Variants in SLC17A1 observed in about 807,000 individuals in gnomAD.
SLC17A1 encodes sodium-dependent phosphate transport protein 1.
SLC17A1 carries 51 observed loss-of-function variants against 53.5 expected under a neutral mutation model. The ratio of observed to expected loss-of-function variants is 0.95; its 90% confidence interval spans 0.76 to 1.20. The LOEUF (loss-of-function observed/expected upper bound fraction) is 1.20, where lower values mean the gene tolerates loss of function less well. Among genes scored for constraint, SLC17A1 ranks in the 50% most tolerant of loss-of-function variants. The pLI, the probability that SLC17A1 is intolerant of heterozygous loss-of-function variation, is 0.00. For missense variants in SLC17A1, 538 were observed against 568.2 expected, an observed-to-expected ratio of 0.95 and a Z score of 0.54; for synonymous variants, 179 against 198.8, an observed-to-expected ratio of 0.90 and a Z score of 0.84.
At chr6:25,732,766 C>T in the SLC17A1 span, 1 of 991,600 alleles carries the variant, frequency 1.0e-6, no homozygotes, top group Admixed American at 1.9e-5. Flanking sequence ...TGCCCAACAT[C>T]CAAGCTGTGC....
the SLC17A1 span, among the ~76,000 whole-genome samples, chr6:25,765,955 G>T: frequency 6.6e-6 from 1 of 151,862 alleles, no homozygotes; most frequent in African/African-American, 2.4e-5. Flanking sequence ...ATCAGGCAGA[G>T]AGATTAAATA....
At chr6:25,776,289 C>A in the SLC17A1 span, among the ~76,000 whole-genome samples, 1 of 151,624 alleles carries the variant, frequency 6.6e-6, no homozygotes, top group African/African-American at 2.4e-5. Context: ...TTTTTTTCTT[C>A]TTTTCTTTTT....
chr6:25,816,374 A>G (rs1198892195), intron 6 of SLC17A1, among the ~76,000 whole-genome samples: 2 of 152,270 alleles, frequency 1.3e-5, no homozygotes, highest in Non-Finnish European at 2.9e-5. Flanking sequence ...GATGTTGGGA[A>G]GAGCCCTGCT....
chr6:25,782,577 A>G (rs1478266101), downstream of SLC17A1, among the ~76,000 whole-genome samples: 1 of 152,168 alleles, frequency 6.6e-6, no homozygotes, highest in Non-Finnish European at 1.5e-5. Flanking sequence ...CTGAGCATCG[A>G]GTCATCTAAA....
At chr6:25,732,746 G>A in the SLC17A1 span, 2 of 1,151,002 alleles carry the variant, frequency 1.7e-6, no homozygotes. Context: ...AATGGCTTAG[G>A]GTGACGTTTT....
At chr6:25,782,648 C>T (rs910274286), downstream of SLC17A1, among the ~76,000 whole-genome samples, 9 of 152,160 alleles carry the variant, frequency 5.9e-5, no homozygotes, top group African/African-American at 1.2e-4. Context: ...TGCTCCGTAT[C>T]ATTTCTCCAA....
At chr6:25,805,987 A>G (rs1763939961) in intron 10 of SLC17A1, among the ~76,000 whole-genome samples, 1 of 152,166 alleles carries the variant, frequency 6.6e-6, no homozygotes, top group East Asian at 1.9e-4. Flanking sequence ...AAACTATTCC[A>G]AAAGATTGAG....
chr6:25,736,076 A>G, the SLC17A1 span, among the ~76,000 whole-genome samples: 3 of 150,308 alleles, frequency 2.0e-5, no homozygotes, highest in Non-Finnish European at 4.4e-5. Context: ...AGGTGACATC[A>G]GAAATAAAAA....
the SLC17A1 span, chr6:25,769,308 GGAATGGCA>G: frequency 1.0e-6 from 1 of 965,400 alleles, no homozygotes; most frequent in Non-Finnish European, 1.5e-6. Flanking sequence ...CTATGTGCCA[GGAATGGCA>G]CAAGTACCTA....
chr6:25,726,938 C>A, the SLC17A1 span: 1 of 1,613,726 alleles, frequency 6.2e-7, no homozygotes, highest in African/African-American at 1.3e-5. Flanking sequence ...AAGGTGCTAC[C>A]ATTTCCAAGA....
At chr6:25,802,114 T>A (rs1040754348) in intron 10 of SLC17A1, among the ~76,000 whole-genome samples, 4 of 152,248 alleles carry the variant, frequency 2.6e-5, no homozygotes, top group African/African-American at 9.6e-5. Flanking sequence ...ATGAACCTCT[T>A]CCCCCATAAA....
chr6:25,815,931 C>G (rs1413478655), intron 6 of SLC17A1, among the ~76,000 whole-genome samples: 53 of 106,692 alleles, frequency 5.0e-4, no homozygotes, highest in Admixed American at 1.3e-3. Flanking sequence ...TTTTTTTTTG[C>G]CACTTCAGCT....
the SLC17A1 span, among the ~76,000 whole-genome samples, chr6:25,745,225 A>G: frequency 6.6e-6 from 1 of 152,188 alleles, no homozygotes; most frequent in Admixed American, 6.5e-5. Context: ...AAAATCAAGA[A>G]AGCAGTTTAG....
chr6:25,775,571 G>T, the SLC17A1 span, among the ~76,000 whole-genome samples: 1 of 151,988 alleles, frequency 6.6e-6, no homozygotes, highest in Non-Finnish European at 1.5e-5. Flanking sequence ...GAGTAGCTGG[G>T]ACCACAGGCG....
chr6:25,782,294 A>G (rs1763283533), downstream of SLC17A1, among the ~76,000 whole-genome samples: 1 of 152,216 alleles, frequency 6.6e-6, no homozygotes, highest in South Asian at 2.1e-4. Context: ...TGGCAGGGCT[A>G]TCGCCACACT....
At chr6:25,801,003 C>T (rs1763741952) in intron 10 of SLC17A1, 23 bp from the exon 11 acceptor site, 2 of 1,286,848 alleles carry the variant, frequency 1.6e-6, no homozygotes, top group East Asian at 4.6e-5. Flanking sequence ...GAGTAATACA[C>T]AAATGTAAAG....
chr6:25,785,601 T>C (rs1330924644), intron 12 of SLC17A1, among the ~76,000 whole-genome samples: 2 of 152,140 alleles, frequency 1.3e-5, no homozygotes. Flanking sequence ...CAGTCTAGTA[T>C]TTAGAATATC....
chr6:25,809,419 T>C (rs557855385), intron 10 of SLC17A1, among the ~76,000 whole-genome samples: 1 of 152,090 alleles, frequency 6.6e-6, no homozygotes, highest in Non-Finnish European at 1.5e-5. Context: ...AGCAACGCTT[T>C]TGAGAGCTTG....
the SLC17A1 span, chr6:25,773,742 T>A: frequency 6.5e-7 from 1 of 1,529,748 alleles, no homozygotes; most frequent in Non-Finnish European, 8.9e-7. Context: ...TCATATATAA[T>A]CCTCTGTCTG....
Sources: gnomAD v4.1 joint callset for allele counts (sites outside exome capture counted in the v4.1 genomes callset) on GRCh38, gnomAD v4.1.1 for gene constraint, MANE v1.5 for transcripts, NCBI Gene and HGNC (gene_info 2026-07-23, HGNC 2026-07-21) for gene names.